ZNF721: variants seen among roughly 807,000 people sequenced by gnomAD.
The protein encoded by ZNF721 is zinc finger protein 721.
ZNF721 carries 2 observed loss-of-function variants against 2.4 expected under a neutral mutation model. That is an observed-to-expected ratio of 0.82 (90% confidence interval 0.34 to 2.58). ZNF721 has a LOEUF of 2.58. Among genes scored for constraint, ZNF721 ranks in the 30% most tolerant of loss-of-function variants. The pLI, the probability that ZNF721 is intolerant of heterozygous loss-of-function variation, is 0.11. For synonymous variants in ZNF721, 398 were observed against 381.8 expected (o/e 1.04, Z -0.50); for missense variants, 1,187 against 1,085.5 (o/e 1.09, Z -1.31).
chr4:465,894 AG>A (rs1715233426), intron 2 of ZNF721, among the ~76,000 whole-genome samples: 1 of 152,152 alleles, frequency 6.6e-6, no homozygotes. Context: ...ACAGCATGAA[AG>A]GATTAAAAAA....
intron 2 of ZNF721, among the ~76,000 whole-genome samples, chr4:470,446 G>T (rs1715396353): frequency 6.6e-6 from 1 of 152,132 alleles, no homozygotes; most frequent in Admixed American, 6.6e-5. Context: ...ATTTGCAAGC[G>T]ATATACCTGA....
Position 441,479 on chromosome 4 carries a change from C to T in ZNF721, c.*216G>A. The T allele has an allele frequency of 2.2e-6, 1 of 451,118 alleles. No homozygotes were observed. The highest frequency in any genetic ancestry group is 3.9e-6 in the Non-Finnish European group (1 of 258,272). 27.9% of individuals were successfully genotyped at this position (451,118 alleles called of 1,614,324 possible). On this transcript the variant is annotated 3_prime_UTR_variant, in exon 3 of 3. Coordinates refer to ENST00000511833, the MANE Select transcript of ZNF721 (RefSeq NM_133474.4). ...ATTTGGCTTCTCATCAATATAATTA[C>T]TCTTATGTCTACAACAGATTGAGGT...
chr4:447,898 G>A lies in ZNF721; in HGVS notation c.35-3466C>T, dbSNP rs1178101232. Reference sequence around the variant, plus strand: ...TGTCTGTTTGTGTGTGTCCCACATTGAGTTCCAAACATACAAAGCCAATAC... The same window carrying A: ...TGTCTGTTTGTGTGTGTCCCACATTAAGTTCCAAACATACAAAGCCAATAC... On this transcript the variant is annotated intron_variant, in intron 2 of 2. Transcript: ENST00000511833. 2.0e-5 allele frequency among the ~76,000 whole-genome samples: 3 copies of A among 152,260 alleles called. No individual in the cohort carries two copies. The East Asian group carries it at 5.8e-4, about 29-fold the overall frequency.
chr4:443,735 A>G lies in ZNF721; in HGVS notation c.732T>C (p.Thr244=). Residue 244 remains threonine (T), a synonymous_variant, in exon 3 of 3, where the codon ACT becomes ACC. Coordinates refer to ENST00000511833, the MANE Select transcript of ZNF721 (RefSeq NM_133474.4). ...CCTTACATTTGTAGGGTTTCTCTCC[A>G]GTATGAATTTTCTCATGTTTATTCA... ...SHLNKHEKIH[T]GEKPYKCKEC... 6.2e-7 allele frequency: 1 copy of G among 1,614,118 alleles called. No homozygotes were observed. The highest frequency in any genetic ancestry group is 8.5e-7 in the Non-Finnish European group (1 of 1,180,002).
Position 460,919 on chromosome 4 carries a change from G to C in ZNF721, c.34+11656C>G, listed in dbSNP as rs1715045730. 2.0e-5 allele frequency among the ~76,000 whole-genome samples: 3 copies of C among 152,122 alleles called. No individual in the cohort carries two copies. The South Asian group carries it at 6.2e-4, about 31-fold the overall frequency. ...CAGGAAGAAGTTGAACCCCTGAATA[G>C]ACCAGTAACAAGTTCTGAAATTGAG... On this transcript the variant is annotated intron_variant, in intron 2 of 2. Transcript: ENST00000511833.
intron 1 of ZNF721, among the ~76,000 whole-genome samples, chr4:492,802 A>C (rs186439903): frequency 2.7e-5 from 4 of 150,870 alleles, no homozygotes; most frequent in South Asian, 2.1e-4. Flanking sequence ...AAAAAAAAAA[A>C]ACAAAAAACC....
At chr4:479,537 C>T (rs186659601) in intron 1 of ZNF721, among the ~76,000 whole-genome samples, 5 of 152,330 alleles carry the variant, frequency 3.3e-5, no homozygotes, top group African/African-American at 9.6e-5. Flanking sequence ...GAGAACAGGA[C>T]GTTCAGGGAC....
intron 1 of ZNF721, among the ~76,000 whole-genome samples, chr4:485,051 A>T (rs1310640957): frequency 6.6e-6 from 1 of 152,142 alleles, no homozygotes; most frequent in Non-Finnish European, 1.5e-5. Context: ...ACTTAGGGAA[A>T]ATAGAAAAGA....
chr4:465,661 T>C (rs527558074), intron 2 of ZNF721, among the ~76,000 whole-genome samples: 1 of 152,164 alleles, frequency 6.6e-6, no homozygotes, highest in South Asian at 2.1e-4. Context: ...CTCGATCTCC[T>C]GACCTCATGA....
intron 2 of ZNF721, among the ~76,000 whole-genome samples, chr4:447,845 G>C (rs1213119483): frequency 6.6e-6 from 1 of 151,934 alleles, no homozygotes; most frequent in Non-Finnish European, 1.5e-5. Flanking sequence ...GGAACTCAAC[G>C]ACAAATGTGT....
chr4:494,483 GCTGGAAGTACATCTTATATA>G (rs1716100975), intron 1 of ZNF721, among the ~76,000 whole-genome samples: 1 of 151,992 alleles, frequency 6.6e-6, no homozygotes, highest in African/African-American at 2.4e-5. Context: ...ACCGCACCTG[GCTGGAAGTACATCTTATATA>G]TTCATAAAGA....
intron 2 of ZNF721, among the ~76,000 whole-genome samples, chr4:462,114 G>T (rs1349331859): frequency 1.3e-5 from 2 of 152,036 alleles, no homozygotes; most frequent in Non-Finnish European, 2.9e-5. Context: ...ACCAATAATA[G>T]ACAAACAGAG....
intron 1 of ZNF721, among the ~76,000 whole-genome samples, chr4:483,421 G>A (rs28531379): frequency 2.6e-5 from 4 of 151,960 alleles, no homozygotes; most frequent in Non-Finnish European, 5.9e-5. Context: ...GCATGGTGGT[G>A]AGTGCTTGTA....
At chr4:463,639 A>G (rs1715141837) in intron 2 of ZNF721, among the ~76,000 whole-genome samples, 1 of 152,208 alleles carries the variant, frequency 6.6e-6, no homozygotes. Context: ...CATCATTCTC[A>G]GCAAACTAAC....
intron 2 of ZNF721, among the ~76,000 whole-genome samples, chr4:456,050 T>TTTTTTTTATTTATTTATTTA (rs372286059): frequency 6.9e-6 from 1 of 144,334 alleles, no homozygotes; most frequent in African/African-American, 2.6e-5. Context: ...CCAAAAAAAT[T>TTTTTTTTATTTATTTATTTA]TTTATTTATT....
Position 441,915 on chromosome 4 carries a change from A to T in ZNF721, c.2552T>A (p.Ile851Asn), listed in dbSNP as rs1714253802. The stretch of plus-strand genomic sequence containing the variant: ...ATGAATTCTCCTATGTACATAAAGG[A>T]TTGCTGACTGTCTAAAGGCTTTGCC... Reference protein sequence around the residue: ...ECGKAFRQSAILYVHRRIHTG... With the variant: ...ECGKAFRQSANLYVHRRIHTG... Residue 851 changes from isoleucine to asparagine, a missense_variant, in exon 3 of 3, where the codon ATC (isoleucine) becomes AAC (asparagine). Ile to Asn is a moderately radical substitution (Grantham distance 149). Coordinates refer to ENST00000511833, the MANE Select transcript of ZNF721 (RefSeq NM_133474.4). 1.2e-6 allele frequency: 2 copies of T among 1,612,170 alleles called. No homozygotes were observed. The highest frequency in any genetic ancestry group is 1.7e-6 in the Non-Finnish European group (2 of 1,179,452).
At chr4:478,433 T>C (rs1715690610) in intron 1 of ZNF721, among the ~76,000 whole-genome samples, 1 of 152,204 alleles carries the variant, frequency 6.6e-6, no homozygotes, top group Non-Finnish European at 1.5e-5. Context: ...AGGTTGATCT[T>C]GAACTGTTTG....
At chr4:460,472 C>T (rs1409623739) in intron 2 of ZNF721, among the ~76,000 whole-genome samples, 2 of 152,032 alleles carry the variant, frequency 1.3e-5, no homozygotes, top group African/African-American at 4.8e-5. Context: ...TAAATGCCCA[C>T]AAAAGAAAGC....
chr4:447,699 G>C (rs1714520531), intron 2 of ZNF721, among the ~76,000 whole-genome samples: 1 of 152,156 alleles, frequency 6.6e-6, no homozygotes, highest in Non-Finnish European at 1.5e-5. Context: ...AAGGAAAGAA[G>C]ACATTTGATG....
Sources: allele counts gnomAD v4.1 joint callset (sites outside exome capture counted in the v4.1 genomes callset), GRCh38; gene constraint gnomAD v4.1.1; transcripts MANE v1.5; gene names NCBI Gene and HGNC (gene_info 2026-07-23, HGNC 2026-07-21).